The following NEGR1 variants were observed in gnomAD, a reference collection of about 807,000 sequenced individuals.
NEGR1 encodes the protein neuronal growth regulator 1.
Under a neutral mutation model 40.9 loss-of-function variants are expected in NEGR1, and 10 were observed. The observed-to-expected ratio is 0.24, with a 90% CI of 0.15 to 0.42. The LOEUF is 0.42. NEGR1 is among the 10% of genes least tolerant of loss of function. NEGR1 has a pLI of 1.00. For missense variants in NEGR1, 352 were observed against 438.9 expected, an observed-to-expected ratio of 0.80 and a Z score of 1.77; for synonymous variants, 185 against 166.8, an observed-to-expected ratio of 1.11 and a Z score of -0.84.
chr1:72,068,747 A>G (rs1047282466), intron 1 of NEGR1, among the ~76,000 whole-genome samples: 1 of 152,176 alleles, frequency 6.6e-6, no homozygotes, highest in Admixed American at 6.6e-5. Flanking sequence ...TACCTGAATT[A>G]ATAACTATTG....
At chr1:72,022,260 CATATATATATATATAT>C (rs59160727) in intron 1 of NEGR1, among the ~76,000 whole-genome samples, 14,302 of 111,678 alleles carry the variant, frequency 0.13, 1,201 homozygotes, top group African/African-American at 0.24. Context: ...AAACAATTTT[CATATATATATATATAT>C]ATATATATAT....
chr1:71,595,906 T>A (rs1009069780), intron 5 of NEGR1, among the ~76,000 whole-genome samples: 8 of 152,206 alleles, frequency 5.3e-5, no homozygotes, highest in African/African-American at 1.9e-4. Context: ...GACATGTTTT[T>A]CTTTACAAAA....
intron 1 of NEGR1, among the ~76,000 whole-genome samples, chr1:72,072,650 C>T (rs1236284187): frequency 1.3e-5 from 2 of 152,088 alleles, no homozygotes; most frequent in African/African-American, 2.4e-5. Flanking sequence ...GATCTAGCCT[C>T]TGAAGGAACT....
chr1:71,417,859 G>GAA (rs1646366575), intron 6 of NEGR1, among the ~76,000 whole-genome samples: 1 of 152,140 alleles, frequency 6.6e-6, no homozygotes, highest in Non-Finnish European at 1.5e-5. Context: ...GGCCCACAAA[G>GAA]AAATGTTCAG....
intron 4 of NEGR1, among the ~76,000 whole-genome samples, chr1:71,618,208 C>CATT (rs1333938621): frequency 2.6e-5 from 4 of 152,154 alleles, no homozygotes. Context: ...AGACTTTGAG[C>CATT]ATTACTTCCT....
chr1:71,849,510 G>A (rs556856448), intron 2 of NEGR1, among the ~76,000 whole-genome samples: 150 of 152,026 alleles, frequency 9.9e-4, no homozygotes, highest in Non-Finnish European at 2.0e-3. Context: ...TTGTGAACAC[G>A]AAATCACAGT....
chr1:71,649,149 G>A (rs1009206553), intron 4 of NEGR1, among the ~76,000 whole-genome samples: 2 of 151,986 alleles, frequency 1.3e-5, no homozygotes, highest in African/African-American at 4.8e-5. Flanking sequence ...ACAATAAGAT[G>A]TTATTATTTT....
At chr1:71,592,623 G>A (rs1649537934) in intron 6 of NEGR1, among the ~76,000 whole-genome samples, 194 bp downstream of exon 6, 1 of 152,092 alleles carries the variant, frequency 6.6e-6, no homozygotes, top group Admixed American at 6.6e-5. Context: ...CTTCTACAGG[G>A]ATTATAAAAT....
intron 1 of NEGR1, among the ~76,000 whole-genome samples, chr1:72,018,311 C>A (rs1646729421): frequency 1.3e-5 from 2 of 152,004 alleles, no homozygotes; most frequent in African/African-American, 4.8e-5. Flanking sequence ...AAACTCATAG[C>A]CTATTGAGTG....
intron 6 of NEGR1, among the ~76,000 whole-genome samples, chr1:71,493,089 T>C (rs1372955351): frequency 6.6e-6 from 1 of 152,162 alleles, no homozygotes; most frequent in African/African-American, 2.4e-5. Context: ...TGTTCATTTT[T>C]CTTTTGAAAT....
At chr1:71,897,959 T>C (rs1661017963) in intron 2 of NEGR1, among the ~76,000 whole-genome samples, 4 of 152,226 alleles carry the variant, frequency 2.6e-5, no homozygotes, top group Non-Finnish European at 5.9e-5. Context: ...CTTATAGTTT[T>C]GGTTCCTTTA....
intron 1 of NEGR1, among the ~76,000 whole-genome samples, chr1:72,220,533 A>G (rs1340113991): frequency 1.3e-5 from 2 of 152,060 alleles, no homozygotes; most frequent in African/African-American, 4.8e-5. Context: ...GTGGTACTGT[A>G]CCAAAGAAAG....
intron 2 of NEGR1, among the ~76,000 whole-genome samples, chr1:71,818,334 C>T (rs141283404): frequency 1.1e-3 from 161 of 152,044 alleles, no homozygotes; most frequent in African/African-American, 3.7e-3. Context: ...TGCATATACA[C>T]CATGGAATAC....
intron 3 of NEGR1, among the ~76,000 whole-genome samples, chr1:71,755,985 A>C (rs1436535953): frequency 2.6e-5 from 4 of 152,202 alleles, no homozygotes; most frequent in Admixed American, 6.5e-5. Flanking sequence ...AAAACATGTT[A>C]AGTTTAGATT....
chr1:71,436,859 T>C (rs979981738), intron 6 of NEGR1, among the ~76,000 whole-genome samples: 1 of 152,220 alleles, frequency 6.6e-6, no homozygotes, highest in African/African-American at 2.4e-5. Flanking sequence ...GAATAGTGTA[T>C]ACAATACATA....
intron 4 of NEGR1, among the ~76,000 whole-genome samples, chr1:71,671,238 TA>T (rs1427987104): frequency 2.6e-5 from 4 of 152,128 alleles, no homozygotes; most frequent in African/African-American, 9.7e-5. Flanking sequence ...TGTGGTCCTG[TA>T]ATGTATGATT....
intron 6 of NEGR1, among the ~76,000 whole-genome samples, chr1:71,456,630 A>C (rs1337497310): frequency 1.3e-5 from 2 of 152,196 alleles, no homozygotes; most frequent in African/African-American, 4.8e-5. Flanking sequence ...ACATACTTGT[A>C]GGAGAGTTCT....
At chr1:71,885,327 T>C (rs1660695345) in intron 2 of NEGR1, among the ~76,000 whole-genome samples, 1 of 152,248 alleles carries the variant, frequency 6.6e-6, no homozygotes, top group African/African-American at 2.4e-5. Context: ...CATTATTTTA[T>C]AGTAGAACAA....
At chr1:71,738,272 A>G in intron 3 of NEGR1, 2 of 237,832 alleles carry the variant, frequency 8.4e-6, no homozygotes, top group South Asian at 8.0e-5. Context: ...GCCCTGACAG[A>G]TGTCATCAAG....
Sources: allele counts gnomAD v4.1 joint callset (sites outside exome capture counted in the v4.1 genomes callset), GRCh38; gene constraint gnomAD v4.1.1; transcripts MANE v1.5; gene names NCBI Gene and HGNC (gene_info 2026-07-23, HGNC 2026-07-21).